The following VWA8 variants were observed in gnomAD, a reference collection of about 807,000 sequenced individuals.
VWA8 encodes von Willebrand factor A domain-containing protein 8.
A neutral mutation model predicts 241.5 loss-of-function variants in VWA8; 221 were observed. The observed-to-expected ratio is 0.91, with a 90% CI of 0.82 to 1.02. The LOEUF (loss-of-function observed/expected upper bound fraction) is 1.02. VWA8 is among the 50% of genes least tolerant of loss of function. VWA8 has a pLI of 0.00. For synonymous variants in VWA8, 852 were observed against 827.1 expected (o/e 1.03, Z -0.52); for missense variants, 2,322 against 2,328.7 (o/e 1.00, Z 0.06).
chr13:41,852,588 T>G (rs1273352339), intron 12 of VWA8, among the ~76,000 whole-genome samples: 1 of 152,190 alleles, frequency 6.6e-6, no homozygotes, highest in Non-Finnish European at 1.5e-5. Context: ...TTTTATAGTT[T>G]CAGTCTTACA....
Position 41,732,150 on chromosome 13 carries a change from G to C in VWA8, c.2432C>G (p.Thr811Ser). Reference sequence around the variant, plus strand: ...CTGAAGCGTAAGAGTTTGTACTGTGGTATCCCTAAAGTAAAACCAACACAT... The same window carrying C: ...CTGAAGCGTAAGAGTTTGTACTGTGCTATCCCTAAAGTAAAACCAACACAT... ...PREYIQLHRDTTVQTLTLQPS... is the reference protein window; with the variant it reads ...PREYIQLHRDSTVQTLTLQPS... Residue 811 changes from threonine to serine, a missense_variant, in exon 22 of 45, where the codon ACC (threonine) becomes AGC (serine). Coordinates refer to ENST00000379310, the MANE Select transcript of VWA8 (RefSeq NM_015058.2). The C allele has an allele frequency of 6.2e-7, 1 of 1,611,242 alleles. No homozygotes were observed. The highest frequency in any genetic ancestry group is 2.2e-5 in the East Asian group (1 of 44,754).
Position 41,618,532 on chromosome 13 carries a change from G to A in VWA8, c.4612-3448C>T, listed in dbSNP as rs550228740. Among the ~76,000 whole-genome samples, 22 of 151,846 alleles carry A rather than the reference G, an allele frequency of 1.4e-4. 1 individual carries two copies. Among genetic ancestry groups the A allele is most frequent in the African/African-American group, 5.3e-4 (22 of 41,358 alleles). On this transcript the variant is annotated intron_variant, in intron 37 of 44. Transcript: ENST00000379310. Reference sequence around the variant, plus strand: ...TGTTGCCATTGCTTTCGGTGTTTTCGTCATGGAGTCCTTGCTCATGCCTAT... The same window carrying A: ...TGTTGCCATTGCTTTCGGTGTTTTCATCATGGAGTCCTTGCTCATGCCTAT...
intron 15 of VWA8, 104 bp from the exon 16 acceptor site, chr13:41,816,879 T>A: frequency 1.1e-6 from 1 of 922,708 alleles, no homozygotes; most frequent in Non-Finnish European, 1.7e-6. Context: ...AGAATTACAT[T>A]TTTAGAAAAG....
chr13:41,757,383 T>C (rs1398346192), intron 21 of VWA8, among the ~76,000 whole-genome samples: 3 of 151,798 alleles, frequency 2.0e-5, no homozygotes, highest in South Asian at 4.1e-4. Context: ...AATAGTGTGG[T>C]AAAAATTTGG....
intron 24 of VWA8, 90 bp from the exon 25 acceptor site, chr13:41,721,665 G>A: frequency 4.5e-6 from 6 of 1,339,654 alleles, no homozygotes; most frequent in Non-Finnish European, 6.1e-6. Flanking sequence ...AAGAGCCACT[G>A]GTTGCTCATC....
Position 41,885,936 on chromosome 13 carries a change from GCTGCTAAA to G in VWA8, c.951_958del (p.Leu318CysfsTer24). ...TTTACTTACCAAGATTTGAACCGCA[GCTGCTAAA>G]CTATCTAAAGGAAAGTCTGGAAGTC... is the stretch of plus-strand genomic sequence containing the variant. On this transcript the variant is annotated frameshift_variant, in exon 8 of 45. Transcript: ENST00000379310. LOFTEE classifies it high-confidence loss of function. The G allele has an allele frequency of 6.3e-7, 1 of 1,586,346 alleles. No individual in the cohort carries two copies.
At chr13:41,593,219 C>CA (rs2044467644) in intron 40 of VWA8, among the ~76,000 whole-genome samples, 2 of 152,140 alleles carry the variant, frequency 1.3e-5, no homozygotes, top group Admixed American at 1.3e-4. Flanking sequence ...GAAACAGGGG[C>CA]AAAATTACCA....
chr13:41,742,771 A>G (rs1245890069), intron 21 of VWA8, among the ~76,000 whole-genome samples: 1 of 152,194 alleles, frequency 6.6e-6, no homozygotes, highest in African/African-American at 2.4e-5. Context: ...ACTCACAAAC[A>G]CATGAGATCC....
intron 17 of VWA8, among the ~76,000 whole-genome samples, chr13:41,795,972 AAAAT>A (rs1337539100): frequency 1.3e-5 from 2 of 152,320 alleles, no homozygotes; most frequent in African/African-American, 2.4e-5. Context: ...AATAAAGAAA[AAAAT>A]AAATAAAATG....
At chr13:41,593,584 T>C (rs943012265) in intron 40 of VWA8, among the ~76,000 whole-genome samples, 6 of 152,214 alleles carry the variant, frequency 3.9e-5, no homozygotes, top group Non-Finnish European at 7.3e-5. Context: ...TTAGCTCTTA[T>C]CTCTTCTTTC....
In VWA8 at chr13:41,883,371, G is replaced by A; in HGVS notation, c.1080+16C>T. 6.3e-7 allele frequency: 1 copy of A among 1,584,438 alleles called. No homozygotes were observed. The highest frequency in any genetic ancestry group is 8.7e-7 in the Non-Finnish European group (1 of 1,154,090). On this transcript the variant is annotated intron_variant, in intron 9 of 44. Coordinates refer to ENST00000379310, the MANE Select transcript of VWA8 (RefSeq NM_015058.2). ...AAATGGGAAAAGAAAGGAAAGAAAGGGAAGCAGACACTCACCTTTAAAACA... is the reference window on the plus strand; with the variant it reads ...AAATGGGAAAAGAAAGGAAAGAAAGAGAAGCAGACACTCACCTTTAAAACA...
At chr13:41,569,344 G>A (rs2044284528) in intron 44 of VWA8, among the ~76,000 whole-genome samples, 1 of 152,222 alleles carries the variant, frequency 6.6e-6, no homozygotes, top group Non-Finnish European at 1.5e-5. Flanking sequence ...CTGGGCTGAT[G>A]CTGAGGAAAA....
At chr13:41,848,223 C>A (rs1187091339) in intron 12 of VWA8, among the ~76,000 whole-genome samples, 1 of 152,172 alleles carries the variant, frequency 6.6e-6, no homozygotes, top group Admixed American at 6.5e-5. Flanking sequence ...CCATGGAAGA[C>A]ACTGTGCAGC....
In VWA8 at chr13:41,912,080, T is replaced by C; in HGVS notation, c.330A>G (p.Gly110=). The C allele has an allele frequency of 6.2e-7, 1 of 1,608,148 alleles. No individual in the cohort carries two copies. The highest frequency in any genetic ancestry group is 1.7e-5 in the Admixed American group (1 of 59,910). Reference sequence around the variant, plus strand: ...TAGAGCGTCGAAGAGGCCCAGGAGGTCCTATTAGAAAAACATCTTGCCCCA... The same window carrying C: ...TAGAGCGTCGAAGAGGCCCAGGAGGCCCTATTAGAAAAACATCTTGCCCCA... ...DLLGQDVFLI[G]PPGPLRRSIA... The change falls in exon 3 of 45, where the codon GGA becomes GGG. Residue 110 remains glycine, a synonymous_variant. Coordinates refer to ENST00000379310, the MANE Select transcript of VWA8 (RefSeq NM_015058.2).
In VWA8 at chr13:41,833,412, G is replaced by A. The variant is rs1194474250; in HGVS notation, c.1545C>T (p.Gly515=). 6.2e-7 allele frequency: 1 copy of A among 1,613,728 alleles called. No individual in the cohort carries two copies. The highest frequency in any genetic ancestry group is 8.5e-7 in the Non-Finnish European group (1 of 1,179,856). ...GCGTGCCCGCATTCACCCGGTGAAT[G>A]CCATCCAGCAGGACCAGCTTGCCTT... ...ALEGKLVLLD[G]IHRVNAGTLA... The change falls in exon 13 of 45, where the codon GGC becomes GGT. Residue 515 remains glycine, a synonymous_variant. Transcript: ENST00000379310.
chr13:41,893,062 C>T (rs1165137636), intron 4 of VWA8, among the ~76,000 whole-genome samples: 2 of 152,168 alleles, frequency 1.3e-5, no homozygotes, highest in African/African-American at 4.8e-5. Context: ...TGACCCCTCA[C>T]TTAAAATTTA....
intron 21 of VWA8, 53 bp from the exon 22 acceptor site, chr13:41,732,208 G>A: frequency 6.5e-7 from 1 of 1,531,356 alleles, no homozygotes; most frequent in African/African-American, 1.4e-5. Flanking sequence ...GCTGATGATT[G>A]ATCATGATAA....
At chr13:41,960,832 C>G in intron 1 of VWA8, 21 bp downstream of exon 1, 1 of 1,514,608 alleles carries the variant, frequency 6.6e-7, no homozygotes. Context: ...CCAGGGAGGA[C>G]AGGGGCGCAC....
chr13:41,637,416 G>A (rs2044765821), intron 37 of VWA8, among the ~76,000 whole-genome samples: 1 of 111,286 alleles, frequency 9.0e-6, no homozygotes, highest in Non-Finnish European at 1.7e-5. Flanking sequence ...CCTGTTGTGG[G>A]GTGGGGGGAG....
Sources: allele counts gnomAD v4.1 joint callset (sites outside exome capture counted in the v4.1 genomes callset), GRCh38; gene constraint gnomAD v4.1.1; transcripts MANE v1.5; gene names NCBI Gene and HGNC (gene_info 2026-07-23, HGNC 2026-07-21).